Variants in ITFG1 observed in about 807,000 individuals in gnomAD.
ITFG1 encodes integrin alpha FG-GAP repeat containing 1, also known as T-cell immunomodulatory protein.
ITFG1 carries 34 observed loss-of-function variants against 81.8 expected under a neutral mutation model. That is an observed-to-expected ratio of 0.42 (90% CI 0.32 to 0.55). The LOEUF is 0.55. ITFG1 is among the 20% of genes least tolerant of loss of function. The pLI, the probability that ITFG1 is intolerant of heterozygous loss-of-function variation, is 0.17. For missense variants in ITFG1, 672 were observed against 755.4 expected (o/e 0.89, Z 1.29); for synonymous variants, 285 against 270.6 (o/e 1.05, Z -0.52).
At chr16:47,378,368 C>A (rs1219074118) in intron 6 of ITFG1, among the ~76,000 whole-genome samples, 2 of 152,318 alleles carry the variant, frequency 1.3e-5, no homozygotes, top group African/African-American at 4.8e-5. Context: ...AAGAATGACT[C>A]TGTGACCACA....
intron 7 of ITFG1, among the ~76,000 whole-genome samples, chr16:47,375,136 T>C (rs1423750214): frequency 6.6e-6 from 1 of 152,204 alleles, no homozygotes; most frequent in East Asian, 1.9e-4. Context: ...ACTGTTTCAT[T>C]TGATCTTCAT....
chr16:47,351,845 T>C (rs1462655363), intron 8 of ITFG1, among the ~76,000 whole-genome samples: 2 of 152,236 alleles, frequency 1.3e-5, no homozygotes, highest in Admixed American at 6.5e-5. Context: ...AACAGCCATG[T>C]ACTGGTACCA....
intron 16 of ITFG1, among the ~76,000 whole-genome samples, chr16:47,160,128 T>G (rs180732682): frequency 6.6e-6 from 1 of 151,910 alleles, no homozygotes; most frequent in East Asian, 1.9e-4. Context: ...TATGAGATGT[T>G]TTTGGTAGTT....
At chr16:47,355,163 G>C (rs182241206) in intron 8 of ITFG1, among the ~76,000 whole-genome samples, 1 of 151,688 alleles carries the variant, frequency 6.6e-6, no homozygotes, top group African/African-American at 2.4e-5. Flanking sequence ...TGTATGAATG[G>C]ATAAAAAAAA....
At chr16:47,291,792 T>C (rs1966909077) in intron 10 of ITFG1, among the ~76,000 whole-genome samples, 1 of 152,194 alleles carries the variant, frequency 6.6e-6, no homozygotes, top group Admixed American at 6.5e-5. Flanking sequence ...GATTTCTGTG[T>C]GGTTTTTATT....
chr16:47,433,792 T>TATATATATATATAC (rs1491145615), intron 5 of ITFG1, among the ~76,000 whole-genome samples: 22 of 135,652 alleles, frequency 1.6e-4, no homozygotes, highest in African/African-American at 6.0e-4. Context: ...TATATATATA[T>TATATATATATATAC]ACACACACAC....
intron 6 of ITFG1, among the ~76,000 whole-genome samples, chr16:47,387,397 A>G (rs1795421550): frequency 2.0e-5 from 3 of 152,186 alleles, no homozygotes; most frequent in Non-Finnish European, 2.9e-5. Context: ...ATCTGGCTCC[A>G]TTTTTTAATA....
intron 8 of ITFG1, among the ~76,000 whole-genome samples, chr16:47,360,948 T>C (rs1374013147): frequency 1.3e-5 from 2 of 152,328 alleles, no homozygotes; most frequent in East Asian, 1.9e-4. Flanking sequence ...CTAAATGTCA[T>C]TGATTACTGT....
chr16:47,314,257 A>T (rs1967316363), intron 8 of ITFG1, among the ~76,000 whole-genome samples: 1 of 152,204 alleles, frequency 6.6e-6, no homozygotes, highest in Non-Finnish European at 1.5e-5. Context: ...AAAACCATCA[A>T]TTTTTAAAAA....
intron 8 of ITFG1, among the ~76,000 whole-genome samples, chr16:47,338,714 G>A (rs1369799503): frequency 2.6e-5 from 4 of 151,116 alleles, no homozygotes; most frequent in African/African-American, 7.3e-5. Context: ...ATACATTCAT[G>A]GGTTACATGA....
intron 14 of ITFG1, among the ~76,000 whole-genome samples, chr16:47,167,641 T>G (rs1421594682): frequency 6.6e-6 from 1 of 152,198 alleles, no homozygotes; most frequent in African/African-American, 2.4e-5. Context: ...TTATCTCCCT[T>G]TGCTGACTCT....
At chr16:47,323,832 T>A (rs1413312507) in intron 8 of ITFG1, among the ~76,000 whole-genome samples, 1 of 152,138 alleles carries the variant, frequency 6.6e-6, no homozygotes, top group Non-Finnish European at 1.5e-5. Flanking sequence ...TCCTAAACAT[T>A]CTACATGGCA....
intron 3 of ITFG1, among the ~76,000 whole-genome samples, chr16:47,453,586 G>A (rs1007430581): frequency 6.6e-6 from 1 of 152,222 alleles, no homozygotes; most frequent in Non-Finnish European, 1.5e-5. Context: ...AGTATCAAGA[G>A]ACCAGGTGCA....
At chr16:47,406,461 A>C (rs1222985985) in intron 6 of ITFG1, among the ~76,000 whole-genome samples, 2 of 152,230 alleles carry the variant, frequency 1.3e-5, no homozygotes, top group African/African-American at 4.8e-5. Context: ...TTAAATCTTT[A>C]GCTGAAAAAG....
At chr16:47,374,773 CA>C (rs536170663) in intron 7 of ITFG1, among the ~76,000 whole-genome samples, 83 of 150,194 alleles carry the variant, frequency 5.5e-4, no homozygotes, top group Non-Finnish European at 9.9e-4. Flanking sequence ...TTTAAAAAAA[CA>C]AAAAAAAAGA....
At chr16:47,317,882 C>G (rs1482073783) in intron 8 of ITFG1, 1 of 152,216 alleles carries the variant, frequency 6.6e-6, no homozygotes, top group African/African-American at 2.4e-5. Flanking sequence ...TCTTGGGACT[C>G]CAGGACATCT....
intron 8 of ITFG1, among the ~76,000 whole-genome samples, chr16:47,364,239 TA>T (rs1483303137): frequency 6.6e-6 from 1 of 152,182 alleles, no homozygotes; most frequent in Non-Finnish European, 1.5e-5. Flanking sequence ...CCAAAGCTAT[TA>T]AAAACATGGA....
At chr16:47,368,296 A>C (rs1445233403) in intron 7 of ITFG1, among the ~76,000 whole-genome samples, 1 of 151,132 alleles carries the variant, frequency 6.6e-6, no homozygotes, top group Non-Finnish European at 1.5e-5. Context: ...TCACACTTGC[A>C]ATCCCAGCAC....
chr16:47,203,348 G>A (rs139641141), intron 14 of ITFG1, among the ~76,000 whole-genome samples: 91 of 152,326 alleles, frequency 6.0e-4, no homozygotes, highest in Non-Finnish European at 8.7e-4. Context: ...ATTTTTCCAC[G>A]GACCAGGGGA....
Sources: gnomAD v4.1 joint callset for allele counts (sites outside exome capture counted in the v4.1 genomes callset) on GRCh38, gnomAD v4.1.1 for gene constraint, MANE v1.5 for transcripts, NCBI Gene and HGNC (gene_info 2026-07-23, HGNC 2026-07-21) for gene names.